GRM8: variants seen among roughly 807,000 people sequenced by gnomAD.
GRM8 encodes metabotropic glutamate receptor 8.
A neutral mutation model predicts 87.2 loss-of-function variants in GRM8; 47 were observed. The observed-to-expected ratio is 0.54, with a 90% CI of 0.43 to 0.69. The LOEUF is 0.69. GRM8 is among the 30% of genes least tolerant of loss of function. The pLI, the probability that GRM8 is intolerant of heterozygous loss-of-function variation, is 0.00. For missense variants in GRM8, 1,019 were observed against 1,139.2 expected, an observed-to-expected ratio of 0.89 and a Z score of 1.52; for synonymous variants, 396 against 404.5, an observed-to-expected ratio of 0.98 and a Z score of 0.25.
chr7:126,743,438 G>A (rs970295058), intron 7 of GRM8, among the ~76,000 whole-genome samples: 2 of 151,912 alleles, frequency 1.3e-5, no homozygotes, highest in African/African-American at 4.8e-5. Flanking sequence ...TGACCCTTTA[G>A]ACAAGTGTCT....
intron 3 of GRM8, among the ~76,000 whole-genome samples, chr7:126,957,250 T>C (rs1586591479): frequency 6.6e-6 from 1 of 152,234 alleles, no homozygotes; most frequent in Non-Finnish European, 1.5e-5. Flanking sequence ...AAACCTTTAA[T>C]ATAAAAGTCT....
At chr7:126,966,774 C>G (rs749827065) in intron 3 of GRM8, among the ~76,000 whole-genome samples, 1 of 152,108 alleles carries the variant, frequency 6.6e-6, no homozygotes, top group Non-Finnish European at 1.5e-5. Flanking sequence ...CTACTCAACT[C>G]GCTCCTAGAT....
intron 9 of GRM8, among the ~76,000 whole-genome samples, chr7:126,496,379 T>G (rs1272287749): frequency 6.6e-6 from 1 of 152,006 alleles, no homozygotes; most frequent in Non-Finnish European, 1.5e-5. Context: ...ATTTCACACA[T>G]TCCTGACACA....
intron 7 of GRM8, among the ~76,000 whole-genome samples, chr7:126,622,923 G>T (rs1478788395): frequency 6.6e-6 from 1 of 152,122 alleles, no homozygotes; most frequent in African/African-American, 2.4e-5. Context: ...AGCCCTGAAT[G>T]CAGACTTTTC....
intron 8 of GRM8, among the ~76,000 whole-genome samples, chr7:126,540,382 A>G (rs1816394718): frequency 1.3e-5 from 2 of 152,156 alleles, no homozygotes; most frequent in African/African-American, 4.8e-5. Context: ...AAATTTGACA[A>G]TTCCTTAGAA....
rs545070204 is a variant in GRM8 at position 126,979,555 on chromosome 7, G to A, written c.728-74872C>T. ...CTTTTAATGATCGAATGCAATTATC[G>A]TTCATGTGGTACAAAGAAAGGTGAC... On this transcript the variant is annotated intron_variant, in intron 3 of 10. Coordinates refer to ENST00000339582, the MANE Select transcript of GRM8 (RefSeq NM_000845.3). 2.0e-5 allele frequency among the ~76,000 whole-genome samples: 3 copies of A among 152,216 alleles called. No homozygotes were observed. In the East Asian group the frequency reaches 5.8e-4, roughly 29 times the overall value.
intron 3 of GRM8, among the ~76,000 whole-genome samples, chr7:127,002,804 G>A (rs559063270): frequency 1.2e-4 from 18 of 151,798 alleles, no homozygotes; most frequent in Middle Eastern, 3.4e-3. Context: ...TCTTTGCACA[G>A]ATATAAATTT....
chr7:126,775,935 T>C (rs1184833302), intron 6 of GRM8, among the ~76,000 whole-genome samples: 1 of 152,094 alleles, frequency 6.6e-6, no homozygotes, highest in Admixed American at 6.6e-5. Context: ...GAATATTACA[T>C]AAGATCTCCA....
intron 2 of GRM8, among the ~76,000 whole-genome samples, chr7:127,126,394 C>A (rs913058137): frequency 6.6e-6 from 1 of 151,754 alleles, no homozygotes; most frequent in East Asian, 1.9e-4. Context: ...GTCAAGTATC[C>A]GACGCTCCCA....
intron 7 of GRM8, among the ~76,000 whole-genome samples, chr7:126,748,723 A>C (rs1348769023): frequency 6.6e-6 from 1 of 151,512 alleles, no homozygotes; most frequent in Non-Finnish European, 1.5e-5. Flanking sequence ...AATTTACACT[A>C]TTTGATTTCA....
rs140898194 is a variant in GRM8 at position 126,665,300 on chromosome 7, T to C, written c.1358-55802A>G. 7.9e-3 allele frequency among the ~76,000 whole-genome samples: 1,204 copies of C among 152,236 alleles called. 8 individuals are homozygous for C. Among genetic ancestry groups the C allele is most frequent in the African/African-American group, 0.027 (1,119 of 41,548 alleles). Reference sequence around the variant, plus strand: ...ATTCTACCAAAAAGACACATGTGCTTGTATGTGCATTGCAACACTATTTGC... The same window carrying C: ...ATTCTACCAAAAAGACACATGTGCTCGTATGTGCATTGCAACACTATTTGC... On this transcript the variant is annotated intron_variant, in intron 7 of 10. Transcript: ENST00000339582.
intron 9 of GRM8, among the ~76,000 whole-genome samples, chr7:126,474,775 T>A (rs941629561): frequency 6.6e-6 from 1 of 152,120 alleles, no homozygotes; most frequent in Non-Finnish European, 1.5e-5. Context: ...AAATGTATCA[T>A]TCATTCAGCA....
At chr7:126,928,880 A>T (rs930634438) in intron 3 of GRM8, among the ~76,000 whole-genome samples, 1 of 152,160 alleles carries the variant, frequency 6.6e-6, no homozygotes, top group East Asian at 1.9e-4. Flanking sequence ...GGGAAAAAAA[A>T]ATACGTATTC....
intron 9 of GRM8, among the ~76,000 whole-genome samples, chr7:126,474,409 C>T (rs1284352357): frequency 6.6e-6 from 1 of 152,122 alleles, no homozygotes; most frequent in Non-Finnish European, 1.5e-5. Flanking sequence ...GCTGGGACTA[C>T]AAGCATAGGC....
chr7:126,469,881 T>C (rs1804959483), intron 9 of GRM8, among the ~76,000 whole-genome samples: 1 of 152,114 alleles, frequency 6.6e-6, no homozygotes, highest in African/African-American at 2.4e-5. Flanking sequence ...ACTGTGGAAC[T>C]GGGAACAGGC....
At chr7:126,945,976 C>T (rs1050028174) in intron 3 of GRM8, among the ~76,000 whole-genome samples, 2 of 152,172 alleles carry the variant, frequency 1.3e-5, no homozygotes, top group African/African-American at 2.4e-5. Flanking sequence ...AACACATATT[C>T]ATGTGTTCAA....
intron 6 of GRM8, among the ~76,000 whole-genome samples, chr7:126,832,441 C>G (rs1370142575): frequency 6.6e-6 from 1 of 152,160 alleles, no homozygotes; most frequent in Non-Finnish European, 1.5e-5. Context: ...TCTAAACTCA[C>G]TCTCTATTCA....
intron 7 of GRM8, among the ~76,000 whole-genome samples, chr7:126,619,337 A>G (rs1399427245): frequency 6.6e-6 from 1 of 152,120 alleles, no homozygotes; most frequent in Non-Finnish European, 1.5e-5. Context: ...GAACACATGG[A>G]CACAGGAAGG....
intron 3 of GRM8, among the ~76,000 whole-genome samples, chr7:126,945,396 C>T (rs1192743057): frequency 6.6e-6 from 1 of 152,064 alleles, no homozygotes; most frequent in Non-Finnish European, 1.5e-5. Flanking sequence ...TTGAGCATCC[C>T]TAATCTGAAA....
Sources: allele counts gnomAD v4.1 joint callset (sites outside exome capture counted in the v4.1 genomes callset), GRCh38; gene constraint gnomAD v4.1.1; transcripts MANE v1.5; gene names NCBI Gene and HGNC (gene_info 2026-07-23, HGNC 2026-07-21).